Variants in EDDM13 observed in about 807,000 individuals in gnomAD.
EDDM13 encodes the protein epididymal protein 13.
In EDDM13, 24 loss-of-function variants were observed where a neutral mutation model predicts 17.8. That is an observed-to-expected ratio of 1.35 (90% confidence interval 0.98 to 1.90). The LOEUF is 1.90. EDDM13 is among the 40% of genes most tolerant of loss of function. The pLI is 0.00. For missense variants in EDDM13, 97 were observed against 100.8 expected, an observed-to-expected ratio of 0.96 and a Z score of 0.16; for synonymous variants, 31 against 37.5, an observed-to-expected ratio of 0.83 and a Z score of 0.63.
chr19:56,293,408 C>T (rs58730731), intron 9 of EDDM13, among the ~76,000 whole-genome samples: 4,346 of 152,190 alleles, frequency 0.029, 194 homozygotes, highest in African/African-American at 0.096. Flanking sequence ...CTCAGACTAA[C>T]GAGGTCCCTG....
intron 2 of EDDM13, among the ~76,000 whole-genome samples, chr19:56,277,939 A>G (rs1397118289): frequency 6.6e-6 from 1 of 152,228 alleles, no homozygotes; most frequent in African/African-American, 2.4e-5. Flanking sequence ...TAATAAATAT[A>G]CATACTGACA....
At chr19:56,274,537 G>GA (rs2038108721) in intron 1 of EDDM13, 1 of 151,478 alleles carries the variant, frequency 6.6e-6, no homozygotes, top group Non-Finnish European at 1.5e-5. Flanking sequence ...TTAGACTTGA[G>GA]GAAAAGTCAC....
chr19:56,301,221 C>T (rs12975945), intron 12 of EDDM13, among the ~76,000 whole-genome samples: 15,058 of 152,234 alleles, frequency 0.099, 1,578 homozygotes, highest in East Asian at 0.56. Flanking sequence ...GCAAGGACTG[C>T]TGGACTGAGT....
At chr19:56,305,830 TC>T (rs1398098726) in intron 14 of EDDM13, among the ~76,000 whole-genome samples, 1 of 151,986 alleles carries the variant, frequency 6.6e-6, no homozygotes, top group East Asian at 1.9e-4. Context: ...TGACAATGAA[TC>T]AAAGGCCTGT....
intron 12 of EDDM13, among the ~76,000 whole-genome samples, chr19:56,300,891 A>G (rs1238033488): frequency 6.6e-6 from 1 of 152,208 alleles, no homozygotes; most frequent in Non-Finnish European, 1.5e-5. Context: ...ACACTCTTGC[A>G]CCTCATGAGG....
chr19:56,281,119 AG>A (rs1415000941), intron 2 of EDDM13, among the ~76,000 whole-genome samples: 1 of 152,236 alleles, frequency 6.6e-6, no homozygotes, highest in Non-Finnish European at 1.5e-5. Flanking sequence ...GGGAAGCTAG[AG>A]AAAAGAAAAT....
chr19:56,297,789 G>A (rs1444022332), intron 12 of EDDM13: 1 of 152,214 alleles, frequency 6.6e-6, no homozygotes, highest in East Asian at 1.9e-4. Flanking sequence ...CTGCTTCTGT[G>A]GACTGTGAGT....
At chr19:56,295,640 A>G (rs1455127519) in intron 9 of EDDM13, among the ~76,000 whole-genome samples, 3 of 152,038 alleles carry the variant, frequency 2.0e-5, no homozygotes, top group Non-Finnish European at 4.4e-5. Flanking sequence ...AAGAGATGGG[A>G]ATGGCGTGGC....
intron 6 of EDDM13, among the ~76,000 whole-genome samples, chr19:56,287,179 T>C (rs1424730173): frequency 6.6e-6 from 1 of 152,244 alleles, no homozygotes; most frequent in Non-Finnish European, 1.5e-5. Context: ...CCATGCACTT[T>C]CTCTGTTTTC....
At position 56,302,008 on chromosome 19, in the gene EDDM13, C is replaced by A. The variant is rs573703922; in HGVS notation, c.336C>A (p.Leu112=). Residue 112 remains leucine (L), a synonymous_variant, in exon 13 of 15, where the codon CTC becomes CTA. Coordinates refer to ENST00000649256, the MANE Select transcript of EDDM13 (RefSeq NM_001354658.2). ...GCACCACCCCATCCAGGAAACCACT[C>A]CCCAAGAGGAAGAACACGTGGAACT... is the stretch of plus-strand genomic sequence containing the variant. ...FSGTTPSRKP[L]PKRKNTWNFL... is the part of the protein sequence containing the mutation. 9.7e-6 allele frequency: 12 copies of A among 1,232,082 alleles called. No homozygotes were observed. The East Asian group carries it at 3.5e-4, about 36-fold the overall frequency. 76.3% of individuals were successfully genotyped at this position (1,232,082 alleles called of 1,614,324 possible). A position where few individuals can be genotyped will look rare whatever the true frequency, so the allele number is the denominator to read the frequency against.
chr19:56,283,394 A>G (rs1021445967), intron 4 of EDDM13: 37 of 152,296 alleles, frequency 2.4e-4, no homozygotes, highest in African/African-American at 8.2e-4. Flanking sequence ...AGGAAACAAT[A>G]TCTCCATTTT....
chr19:56,281,484 T>C (rs2038702770), intron 2 of EDDM13, among the ~76,000 whole-genome samples: 1 of 152,238 alleles, frequency 6.6e-6, no homozygotes, highest in Non-Finnish European at 1.5e-5. Context: ...GTATTGATCT[T>C]TGTCAAATTT....
At chr19:56,307,289 AT>A in intron 14 of EDDM13, among the ~76,000 whole-genome samples, 1 of 152,142 alleles carries the variant, frequency 6.6e-6, no homozygotes, top group Non-Finnish European at 1.5e-5. Flanking sequence ...TGTCAACTCG[AT>A]CATACGATAT....
chr19:56,280,940 TA>T (rs1291651919), intron 2 of EDDM13, among the ~76,000 whole-genome samples: 1 of 152,130 alleles, frequency 6.6e-6, no homozygotes, highest in Non-Finnish European at 1.5e-5. Context: ...ATGTGAGAGT[TA>T]GGGGCACCAA....
At chr19:56,276,792 C>T (rs534340792) in intron 2 of EDDM13, among the ~76,000 whole-genome samples, 14 of 152,176 alleles carry the variant, frequency 9.2e-5, no homozygotes, top group African/African-American at 3.4e-4. Flanking sequence ...CCACCTCGGC[C>T]TCCCAAAGTG....
intron 4 of EDDM13, 114 bp downstream of exon 4, chr19:56,282,613 C>G: frequency 1.9e-6 from 1 of 539,634 alleles, no homozygotes; most frequent in Non-Finnish European, 2.4e-6. Context: ...CACAGCTTAG[C>G]TTCTAATAGC....
intron 12 of EDDM13, 133 bp from the exon 13 acceptor site, chr19:56,301,835 G>A: frequency 9.2e-7 from 1 of 1,084,770 alleles, no homozygotes; most frequent in Non-Finnish European, 1.2e-6. Flanking sequence ...GGTGGGTGTG[G>A]ACCAAAATTT....
chr19:56,274,155 T>C (rs1363748949), intron 1 of EDDM13, among the ~76,000 whole-genome samples: 1 of 152,032 alleles, frequency 6.6e-6, no homozygotes, highest in East Asian at 1.9e-4. Context: ...TTAACTGAGA[T>C]GAGAAAACTC....
intron 2 of EDDM13, among the ~76,000 whole-genome samples, chr19:56,277,734 G>C (rs2038372287): frequency 6.6e-6 from 1 of 151,936 alleles, no homozygotes; most frequent in Non-Finnish European, 1.5e-5. Flanking sequence ...AAAAAAATAA[G>C]GATAATAGAG....
Sources: allele counts gnomAD v4.1 joint callset (sites outside exome capture counted in the v4.1 genomes callset), GRCh38; gene constraint gnomAD v4.1.1; transcripts MANE v1.5; gene names NCBI Gene and HGNC (gene_info 2026-07-23, HGNC 2026-07-21).